The following CD200 variants were observed in gnomAD, a reference collection of about 807,000 sequenced individuals.
The protein encoded by CD200 is CD200 molecule, also known as OX-2 membrane glycoprotein.
A neutral mutation model predicts 30.9 loss-of-function variants in CD200; 15 were observed. The ratio of observed to expected loss-of-function variants is 0.49; its 90% confidence interval spans 0.32 to 0.75. The LOEUF is 0.75. Among genes scored for constraint, CD200 ranks in the 30% least tolerant of loss-of-function variants. The pLI is 0.03. For synonymous variants in CD200, 134 were observed against 126.2 expected, an observed-to-expected ratio of 1.06 and a Z score of -0.41; for missense variants, 262 against 324.2, an observed-to-expected ratio of 0.81 and a Z score of 1.47.
chr3:112,332,961 C>A (rs556092386), upstream of CD200: 11 of 554,910 alleles, frequency 2.0e-5, no homozygotes, highest in South Asian at 2.0e-4. Context: ...GTTTCCCCAG[C>A]GGTCACCTTT....
intron 1 of CD200, chr3:112,335,929 A>G: frequency 6.3e-7 from 1 of 1,590,010 alleles, no homozygotes; most frequent in Non-Finnish European, 8.6e-7. Context: ...CATCTCATTG[A>G]TCTCAAACCA....
At chr3:112,351,891 C>G (rs1443431467) in intron 5 of CD200, among the ~76,000 whole-genome samples, 1 of 152,074 alleles carries the variant, frequency 6.6e-6, no homozygotes, top group Non-Finnish European at 1.5e-5. Context: ...GATGGCGAGA[C>G]AGGAAAATAA....
At chr3:112,348,738 T>C (rs116151555) in intron 4 of CD200, among the ~76,000 whole-genome samples, 1,757 of 152,264 alleles carry the variant, frequency 0.012, 39 homozygotes, top group African/African-American at 0.039. Flanking sequence ...AAACCCAGAC[T>C]AATCAGAAAT....
At chr3:112,343,377 C>G (rs1343852) in intron 2 of CD200, among the ~76,000 whole-genome samples, 42,586 of 151,942 alleles carry the variant, frequency 0.28, 6,790 homozygotes, top group Non-Finnish European at 0.37. Flanking sequence ...AATCATTGCT[C>G]ACTGCATCCT....
In CD200 at chr3:112,349,798, C is replaced by G. The variant is rs541784277; in HGVS notation, c.781C>G (p.Arg261Gly). The G allele has an allele frequency of 6.2e-7, 1 of 1,609,864 alleles. No individual in the cohort carries two copies. The highest frequency in any genetic ancestry group is 1.3e-5 in the African/African-American group (1 of 74,730). ...VLISILLYWK[R>G]HRNQDREP ...AATCTCAATCTTACTGTACTGGAAACGTCACCGGAATCAGGACCGAGGTGA... is the reference window on the plus strand; with the variant it reads ...AATCTCAATCTTACTGTACTGGAAAGGTCACCGGAATCAGGACCGAGGTGA... Residue 261 changes from arginine to glycine, a missense_variant, in exon 5 of 6, where the codon CGT becomes GGT. Coordinates refer to ENST00000315711, the MANE Select transcript of CD200 (RefSeq NM_005944.7).
At chr3:112,335,861 C>T (rs1477263114) in intron 1 of CD200, 7 of 965,732 alleles carry the variant, frequency 7.2e-6, no homozygotes, top group Non-Finnish European at 1.2e-5. Context: ...CACACAACCA[C>T]CTCCAGGGTA....
chr3:112,342,291 TTCC>T (rs2081255964), intron 2 of CD200, among the ~76,000 whole-genome samples: 1 of 44,954 alleles, frequency 2.2e-5, no homozygotes, highest in Non-Finnish European at 5.0e-5. Flanking sequence ...CCTTCCTTCC[TTCC>T]TTCCTTCCTT....
chr3:112,358,251 G>A (rs1318598062), intron 5 of CD200, among the ~76,000 whole-genome samples: 3 of 152,174 alleles, frequency 2.0e-5, no homozygotes, highest in Admixed American at 2.0e-4. Context: ...AGTGGTCCTG[G>A]ATGGGAATCT....
chr3:112,338,893 C>T (rs1047240930), intron 1 of CD200, among the ~76,000 whole-genome samples: 2 of 152,204 alleles, frequency 1.3e-5, no homozygotes, highest in Non-Finnish European at 1.5e-5. Flanking sequence ...TGAAACCAGA[C>T]TGCCTGGGCT....
chr3:112,334,468 T>C (rs890142653), intron 1 of CD200, among the ~76,000 whole-genome samples: 1 of 152,214 alleles, frequency 6.6e-6, no homozygotes, highest in African/African-American at 2.4e-5. Context: ...ACTAAGTGCT[T>C]TAATTGCCTA....
At chr3:112,357,595 G>A (rs989708058) in intron 5 of CD200, among the ~76,000 whole-genome samples, 3 of 152,206 alleles carry the variant, frequency 2.0e-5, no homozygotes, top group Non-Finnish European at 4.4e-5. Flanking sequence ...AGTTTAGAGA[G>A]GTAAATGGAG....
rs558445527 is a variant in CD200 at position 112,340,187 on chromosome 3, A to G, written c.13-715A>G. On this transcript the variant is annotated intron_variant, in intron 1 of 5. Transcript: ENST00000315711. ...TTCTTTCCTTTGCCCCTTAGTATGAACATACATACAGACCAAATGAATGGA... is the reference window on the plus strand; with the variant it reads ...TTCTTTCCTTTGCCCCTTAGTATGAGCATACATACAGACCAAATGAATGGA... Among the ~76,000 whole-genome samples, 3 of 152,334 alleles carry G rather than the reference A, an allele frequency of 2.0e-5. No homozygotes were observed. The East Asian group carries it at 5.8e-4, about 29-fold the overall frequency.
chr3:112,343,977 T>C (rs1385099621), intron 2 of CD200, among the ~76,000 whole-genome samples: 2 of 152,222 alleles, frequency 1.3e-5, no homozygotes, highest in East Asian at 3.8e-4. Context: ...TCTAGAATAA[T>C]TTCATGGCCT....
chr3:112,342,370 T>C (rs531823957), intron 2 of CD200, among the ~76,000 whole-genome samples: 980 of 37,604 alleles, frequency 0.026, 118 homozygotes, highest in African/African-American at 0.038. Context: ...TCTTTCTTTC[T>C]TTCTTTCTTT....
At chr3:112,349,647 T>TCTTGCTTTATCA in intron 4 of CD200, 65 bp from the exon 5 acceptor site, 1 of 1,394,458 alleles carries the variant, frequency 7.2e-7, no homozygotes, top group African/African-American at 1.5e-5. Flanking sequence ...AAAGCTCAAC[T>TCTTGCTTTATCA]CTTTTTGCCT....
chr3:112,360,039 A>T (rs912837344), intron 5 of CD200, among the ~76,000 whole-genome samples: 2 of 152,182 alleles, frequency 1.3e-5, no homozygotes, highest in Non-Finnish European at 2.9e-5. Flanking sequence ...AAAAGTCATT[A>T]ATATTTTACA....
At chr3:112,357,531 T>G (rs1359279941) in intron 5 of CD200, among the ~76,000 whole-genome samples, 1 of 152,200 alleles carries the variant, frequency 6.6e-6, no homozygotes, top group Admixed American at 6.5e-5. Flanking sequence ...AAGGTCCTTT[T>G]TCGTTTTATC....
At chr3:112,351,630 T>C (rs1489119760) in intron 5 of CD200, among the ~76,000 whole-genome samples, 1 of 152,208 alleles carries the variant, frequency 6.6e-6, no homozygotes, top group Non-Finnish European at 1.5e-5. Flanking sequence ...GATTGCCATT[T>C]ACTGATGATG....
chr3:112,332,926 T>TCA, upstream of CD200: 1 of 443,778 alleles, frequency 2.3e-6, no homozygotes, highest in Admixed American at 4.1e-5. Flanking sequence ...AAAAAAATGA[T>TCA]TTTTTTTTTC....
Sources: gnomAD v4.1 joint callset for allele counts (sites outside exome capture counted in the v4.1 genomes callset) on GRCh38, gnomAD v4.1.1 for gene constraint, MANE v1.5 for transcripts, NCBI Gene and HGNC (gene_info 2026-07-23, HGNC 2026-07-21) for gene names.